DOCK3: variants seen among roughly 807,000 people sequenced by gnomAD.
DOCK3 encodes dedicator of cytokinesis 3, also known as dedicator of cytokinesis protein 3.
In DOCK3, 60 loss-of-function variants were observed where a neutral mutation model predicts 265.6. The ratio of observed to expected loss-of-function variants is 0.23; its 90% CI spans 0.18 to 0.28. The LOEUF (loss-of-function observed/expected upper bound fraction) is 0.28, where lower values mean the gene tolerates loss of function less well. Among genes scored for constraint, DOCK3 ranks in the 10% least tolerant of loss-of-function variants. The probability of loss-of-function intolerance (pLI) is 1.00; values close to 1 mark genes in which losing one functional copy is unlikely to be tolerated. For missense variants in DOCK3, 1,981 were observed against 2,594.3 expected, an observed-to-expected ratio of 0.76 and a Z score of 5.14; for synonymous variants, 881 against 938.0, an observed-to-expected ratio of 0.94 and a Z score of 1.11.
chr3:51,195,126 G>A (rs774814073), intron 12 of DOCK3, among the ~76,000 whole-genome samples: 2 of 151,770 alleles, frequency 1.3e-5, no homozygotes, highest in Non-Finnish European at 2.9e-5. Context: ...CGCCTGGCCC[G>A]AGTTTTTTGT....
intron 32 of DOCK3, among the ~76,000 whole-genome samples, chr3:51,315,720 A>C (rs559346116): frequency 6.6e-6 from 1 of 152,286 alleles, no homozygotes; most frequent in South Asian, 2.1e-4. Flanking sequence ...GAGGAAGCCA[A>C]TTTTAGCTAA....
intron 5 of DOCK3, among the ~76,000 whole-genome samples, chr3:50,978,641 G>A (rs1191450006): frequency 6.6e-6 from 1 of 152,210 alleles, no homozygotes; most frequent in Non-Finnish European, 1.5e-5. Context: ...TACAGAGGCA[G>A]GCAGGCCTCC....
At chr3:50,686,134 A>G (rs146212592) in intron 1 of DOCK3, among the ~76,000 whole-genome samples, 15 of 152,092 alleles carry the variant, frequency 9.9e-5, no homozygotes, top group East Asian at 3.9e-4. Flanking sequence ...TGTAGAATCA[A>G]TGGGAGCCCT....
intron 35 of DOCK3, among the ~76,000 whole-genome samples, chr3:51,334,714 G>A (rs1227818542): frequency 6.6e-6 from 1 of 152,162 alleles, no homozygotes; most frequent in Non-Finnish European, 1.5e-5. Flanking sequence ...AGAGAGGTGG[G>A]TAAAGTGCTG....
At chr3:50,731,940 T>C (rs1443985583) in intron 1 of DOCK3, among the ~76,000 whole-genome samples, 1 of 152,094 alleles carries the variant, frequency 6.6e-6, no homozygotes, top group Non-Finnish European at 1.5e-5. Flanking sequence ...TTGCAGGCGA[T>C]CATGATTATG....
At chr3:51,170,804 A>G (rs555580355) in intron 12 of DOCK3, among the ~76,000 whole-genome samples, 129 of 152,146 alleles carry the variant, frequency 8.5e-4, no homozygotes, top group African/African-American at 3.0e-3. Context: ...TTAGCTGGGT[A>G]TGGTAGCACA....
At chr3:50,775,104 C>T (rs1161583478) in intron 1 of DOCK3, among the ~76,000 whole-genome samples, 2 of 151,728 alleles carry the variant, frequency 1.3e-5, no homozygotes, top group African/African-American at 2.4e-5. Flanking sequence ...AAAGATTAGC[C>T]GTAATTTTCC....
At chr3:51,357,631 G>T in intron 44 of DOCK3, 127 bp from the exon 45 acceptor site, 1 of 821,540 alleles carries the variant, frequency 1.2e-6, no homozygotes. Context: ...GGCCAGACTG[G>T]TGTATGTACC....
chr3:51,105,529 A>C (rs1048077894), intron 9 of DOCK3, among the ~76,000 whole-genome samples: 3 of 152,350 alleles, frequency 2.0e-5, no homozygotes, highest in African/African-American at 7.2e-5. Context: ...GAGAATTGAT[A>C]AATAATTGTA....
At chr3:51,351,474 T>A (rs1560485666) in intron 40 of DOCK3, among the ~76,000 whole-genome samples, 1 of 152,076 alleles carries the variant, frequency 6.6e-6, no homozygotes, top group Non-Finnish European at 1.5e-5. Flanking sequence ...GTAAGGCAGG[T>A]CAACTTGCAC....
At chr3:50,767,386 C>T (rs1156804163) in intron 1 of DOCK3, among the ~76,000 whole-genome samples, 1 of 152,156 alleles carries the variant, frequency 6.6e-6, no homozygotes, top group Non-Finnish European at 1.5e-5. Flanking sequence ...ATCCTTTCCC[C>T]ATTGCTTGTT....
chr3:51,098,393 T>A (rs1432609159), intron 9 of DOCK3, among the ~76,000 whole-genome samples: 1 of 152,172 alleles, frequency 6.6e-6, no homozygotes, highest in Non-Finnish European at 1.5e-5. Flanking sequence ...TTTTTCAGCA[T>A]TCAGGATACC....
chr3:50,736,303 A>T (rs549029609), intron 1 of DOCK3, among the ~76,000 whole-genome samples: 168 of 152,274 alleles, frequency 1.1e-3, no homozygotes, highest in African/African-American at 2.5e-3. Context: ...TCTATCATTG[A>T]TGGACATTTG....
intron 32 of DOCK3, among the ~76,000 whole-genome samples, chr3:51,321,713 G>A (rs569760858): frequency 5.3e-5 from 8 of 151,870 alleles, no homozygotes; most frequent in Admixed American, 2.0e-4. Context: ...TTGATCAAGC[G>A]GAAGAAAGAA....
chr3:50,773,220 A>C (rs1401093688), intron 1 of DOCK3, among the ~76,000 whole-genome samples: 2 of 152,078 alleles, frequency 1.3e-5, no homozygotes, highest in African/African-American at 4.8e-5. Flanking sequence ...TGCTGGGAAA[A>C]CTGGATATTC....
intron 27 of DOCK3, among the ~76,000 whole-genome samples, chr3:51,300,648 T>G (rs2082320615): frequency 6.6e-6 from 1 of 152,236 alleles, no homozygotes; most frequent in African/African-American, 2.4e-5. Flanking sequence ...TTTCTACATC[T>G]ATTGAGATAA....
In DOCK3 at chr3:51,374,591, A is replaced by G. The variant is rs1437357826; in HGVS notation, c.5412+4A>G. On this transcript the variant is annotated splice_donor_region_variant and intron_variant, in intron 50 of 52. Coordinates refer to ENST00000266037, the MANE Select transcript of DOCK3 (RefSeq NM_004947.5). The surrounding 1 kb of genome is among the most constrained non-coding windows in gnomAD (Gnocchi z 4.8). ...AGCCATCCTGGAGAACGGACAGGTA[A>G]TAGACCCACCACACTGACTGTCCTC... 1 of 1,607,980 alleles carries G rather than the reference A, an allele frequency of 6.2e-7. No individual in the cohort carries two copies. The highest frequency in any genetic ancestry group is 2.2e-5 in the East Asian group (1 of 44,552).
chr3:50,860,955 C>A (rs1168672325), intron 3 of DOCK3, among the ~76,000 whole-genome samples: 1 of 152,176 alleles, frequency 6.6e-6, no homozygotes, highest in African/African-American at 2.4e-5. Flanking sequence ...GCTGGAAGCC[C>A]AAGTATCTAG....
intron 5 of DOCK3, among the ~76,000 whole-genome samples, chr3:51,059,587 C>T (rs544136368): frequency 1.3e-5 from 2 of 152,094 alleles, no homozygotes; most frequent in African/African-American, 4.8e-5. Context: ...GTTACCACTC[C>T]GTAAGAGACT....
Sources: allele counts gnomAD v4.1 joint callset (sites outside exome capture counted in the v4.1 genomes callset), GRCh38; gene constraint gnomAD v4.1.1; non-coding constraint Gnocchi (gnomAD v3.1); transcripts MANE v1.5; gene names NCBI Gene and HGNC (gene_info 2026-07-23, HGNC 2026-07-21).